The following UBR2 variants were observed in gnomAD, a reference collection of about 807,000 sequenced individuals.
The protein encoded by UBR2 is ubiquitin protein ligase E3 component n-recognin 2.
A neutral mutation model predicts 247.9 loss-of-function variants in UBR2; 92 were observed. That is an observed-to-expected ratio of 0.37 (90% CI 0.31 to 0.44). UBR2 has a LOEUF of 0.44. Among genes scored for constraint, UBR2 ranks in the 20% least tolerant of loss-of-function variants. The pLI, the probability that UBR2 is intolerant of heterozygous loss-of-function variation, is 1.00. For missense variants in UBR2, 1,613 were observed against 2,112.6 expected (o/e 0.76, Z 4.64); for synonymous variants, 672 against 693.5 (o/e 0.97, Z 0.49).
chr6:42,603,290 T>C (rs1281054771), intron 4 of UBR2, among the ~76,000 whole-genome samples: 3 of 152,224 alleles, frequency 2.0e-5, no homozygotes, highest in Non-Finnish European at 4.4e-5. Context: ...TGATGTTAAG[T>C]TTTTGAGATC....
Position 42,670,142 on chromosome 6 carries a change from C to G in UBR2, c.3932C>G (p.Ala1311Gly), listed in dbSNP as rs1212701293. The G allele has an allele frequency of 6.2e-7, 1 of 1,614,180 alleles. No homozygotes were observed. Among genetic ancestry groups the G allele is most frequent in the Admixed American group, 1.7e-5 (1 of 60,018 alleles). ...GAAATGCTAACGACATTTGGAACTGCTACCTACAAGGTGGGACTAAAGGTT... is the reference window on the plus strand; with the variant it reads ...GAAATGCTAACGACATTTGGAACTGGTACCTACAAGGTGGGACTAAAGGTT... ...IKEMLTTFGT[A>G]TYKVGLKVHP... The change falls in exon 35 of 47, where the codon GCT becomes GGT. Residue 1311 changes from alanine (A) to glycine (G), a missense_variant. Coordinates refer to ENST00000372901, the MANE Select transcript of UBR2 (RefSeq NM_001363705.2).
intron 5 of UBR2, among the ~76,000 whole-genome samples, chr6:42,604,856 G>A (rs547556273): frequency 1.3e-5 from 2 of 151,858 alleles, no homozygotes; most frequent in East Asian, 1.9e-4. Flanking sequence ...GTAAGACCCC[G>A]CCTCTACAAA....
intron 29 of UBR2, 58 bp downstream of exon 29, chr6:42,658,882 G>A (rs1797603891): frequency 1.4e-6 from 2 of 1,468,316 alleles, no homozygotes; most frequent in African/African-American, 2.9e-5. Context: ...ACTAGGGGCA[G>A]TGTTGCGTTT....
intron 1 of UBR2, among the ~76,000 whole-genome samples, chr6:42,569,427 A>G (rs886531334): frequency 2.0e-5 from 3 of 152,118 alleles, no homozygotes; most frequent in African/African-American, 7.2e-5. Context: ...ACATCTTTTT[A>G]TGAGCTTATT....
At chr6:42,592,605 C>A (rs1792737133) in intron 3 of UBR2, among the ~76,000 whole-genome samples, 1 of 152,110 alleles carries the variant, frequency 6.6e-6, no homozygotes, top group Non-Finnish European at 1.5e-5. Flanking sequence ...CAGTACTTTT[C>A]AAAATTCAGG....
chr6:42,587,010 G>T (rs1350875319), intron 2 of UBR2, among the ~76,000 whole-genome samples: 1 of 151,602 alleles, frequency 6.6e-6, no homozygotes, highest in African/African-American at 2.4e-5. Flanking sequence ...AGTAGAGACG[G>T]GGTTTCACCA....
At chr6:42,578,852 A>G (rs1440285597) in intron 2 of UBR2, among the ~76,000 whole-genome samples, 1 of 152,066 alleles carries the variant, frequency 6.6e-6, no homozygotes, top group East Asian at 1.9e-4. Context: ...AATCCCAGCT[A>G]CTCAGGAGGC....
intron 10 of UBR2, among the ~76,000 whole-genome samples, chr6:42,616,561 A>G (rs1038589268): frequency 6.6e-5 from 10 of 151,960 alleles, no homozygotes; most frequent in Admixed American, 5.2e-4. Flanking sequence ...TTGTTAGAAA[A>G]TTATATTTAG....
intron 11 of UBR2, among the ~76,000 whole-genome samples, chr6:42,619,147 C>A (rs1045307002): frequency 6.6e-6 from 1 of 151,812 alleles, no homozygotes; most frequent in Non-Finnish European, 1.5e-5. Context: ...CATTTGATAG[C>A]TTAAATCTCC....
intron 2 of UBR2, among the ~76,000 whole-genome samples, chr6:42,579,223 A>G (rs1361733496): frequency 6.6e-6 from 1 of 152,190 alleles, no homozygotes; most frequent in Admixed American, 6.6e-5. Flanking sequence ...AAAGGGAAGC[A>G]GGCACATCAC....
intron 11 of UBR2, chr6:42,619,453 A>ATATATATATATATTTTT: frequency 1.3e-4 from 3 of 23,718 alleles, no homozygotes; most frequent in Non-Finnish European, 2.5e-4. Context: ...ATATATATAT[A>ATATATATATATATTTTT]TTTTTTTTTT....
At position 42,659,567 on chromosome 6, in the gene UBR2, C is replaced by CT. The variant is rs1330817643; in HGVS notation, c.3243-89_3243-88insT. 3.1e-6 allele frequency: 3 copies of CT among 969,988 alleles called. No individual in the cohort carries two copies. Among genetic ancestry groups the CT allele is most frequent in the African/African-American group, 3.3e-5 (2 of 60,738 alleles). The allele number at this position is 969,988 out of a possible 1,614,324, so 60.1% of individuals were successfully genotyped here. On this transcript the variant is annotated intron_variant, in intron 29 of 46. Transcript: ENST00000372901. The surrounding 1 kb of genome is among the most constrained non-coding windows in gnomAD (Gnocchi z 4.3). ...CACACACACACACACACACACTACACACACACACACATACCTGTAGTCTGC... is the reference window on the plus strand; with the variant it reads ...CACACACACACACACACACACTACACTACACACACACATACCTGTAGTCTGC...
chr6:42,614,415 C>CGTACATACATACGTATATATGAAT (rs1554250447), intron 8 of UBR2, among the ~76,000 whole-genome samples: 1 of 89,182 alleles, frequency 1.1e-5, no homozygotes. Flanking sequence ...TATGTATGTA[C>CGTACATACATACGTATATATGAAT]GTACGTACAT....
intron 30 of UBR2, among the ~76,000 whole-genome samples, chr6:42,661,285 T>TAA (rs61010445): frequency 6.9e-6 from 1 of 144,856 alleles, no homozygotes; most frequent in Admixed American, 6.9e-5. Context: ...GAGACTGTCT[T>TAA]AAAAAAAAAA....
chr6:42,646,167 G>A (rs1215654757), intron 21 of UBR2, among the ~76,000 whole-genome samples: 3 of 151,986 alleles, frequency 2.0e-5, no homozygotes, highest in African/African-American at 7.3e-5. Context: ...TCAGCCATGG[G>A]GTTTTTCAGA....
chr6:42,613,172 C>A (rs987121223), intron 8 of UBR2, among the ~76,000 whole-genome samples: 2 of 151,942 alleles, frequency 1.3e-5, no homozygotes, highest in African/African-American at 2.4e-5. Flanking sequence ...AATTAAGAAT[C>A]CTCACATCTG....
At chr6:42,674,016 G>A in intron 37 of UBR2, 110 bp from the exon 38 acceptor site, 2 of 1,332,958 alleles carry the variant, frequency 1.5e-6, no homozygotes, top group Non-Finnish European at 2.1e-6. Flanking sequence ...ATAAGCTCTA[G>A]CTTATAAATT....
chr6:42,672,464 T>C (rs896042620), intron 36 of UBR2, among the ~76,000 whole-genome samples: 1 of 152,106 alleles, frequency 6.6e-6, no homozygotes, highest in Non-Finnish European at 1.5e-5. Flanking sequence ...TAGCAGTTTT[T>C]ACCCAGAATC....
intron 2 of UBR2, among the ~76,000 whole-genome samples, chr6:42,584,720 G>A (rs1792140887): frequency 6.6e-6 from 1 of 151,968 alleles, no homozygotes; most frequent in Non-Finnish European, 1.5e-5. Flanking sequence ...TTTTTATATA[G>A]AAGTTGTACA....
Sources: gnomAD v4.1 joint callset for allele counts (sites outside exome capture counted in the v4.1 genomes callset) on GRCh38, gnomAD v4.1.1 for gene constraint, Gnocchi (gnomAD v3.1) non-coding constraint, MANE v1.5 for transcripts, NCBI Gene and HGNC (gene_info 2026-07-23, HGNC 2026-07-21) for gene names.